The following CLIC6 variants were observed in gnomAD, a reference collection of about 807,000 sequenced individuals.
The protein encoded by CLIC6 is chloride intracellular channel protein 6.
CLIC6 carries 39 observed loss-of-function variants against 49.2 expected under a neutral mutation model. That is an observed-to-expected ratio of 0.79 (90% CI 0.61 to 1.04). The LOEUF (loss-of-function observed/expected upper bound fraction) is 1.04. Among genes scored for constraint, CLIC6 ranks in the 50% least tolerant of loss-of-function variants. The probability of loss-of-function intolerance (pLI) is 0.00; values close to 1 mark genes in which losing one functional copy is unlikely to be tolerated. For synonymous variants in CLIC6, 446 were observed against 433.4 expected, an observed-to-expected ratio of 1.03 and a Z score of -0.36; for missense variants, 988 against 993.1, an observed-to-expected ratio of 0.99 and a Z score of 0.07.
intron 1 of CLIC6, among the ~76,000 whole-genome samples, chr21:34,683,822 C>A (rs187541621): frequency 3.9e-5 from 6 of 152,308 alleles, no homozygotes; most frequent in Admixed American, 2.6e-4. Context: ...GTCAATTAAA[C>A]CTCTTTTCTT....
At chr21:34,673,233 CT>C (rs143456354) in intron 1 of CLIC6, among the ~76,000 whole-genome samples, 4,478 of 150,084 alleles carry the variant, frequency 0.03, 228 homozygotes, top group African/African-American at 0.1. Context: ...CAGTTGCTAA[CT>C]TTTTTTTTTC....
chr21:34,698,359 GGAAGGAAGGAAGGACA>G (rs1195071216), intron 1 of CLIC6, among the ~76,000 whole-genome samples: 2 of 151,770 alleles, frequency 1.3e-5, no homozygotes, highest in Non-Finnish European at 2.9e-5. Context: ...GGGTGCTAAA[GGAAGGAAGGAAGGACA>G]GAAGGAAGGA....
At chr21:34,690,546 C>T (rs975543079) in intron 1 of CLIC6, among the ~76,000 whole-genome samples, 3 of 152,114 alleles carry the variant, frequency 2.0e-5, no homozygotes, top group Non-Finnish European at 2.9e-5. Flanking sequence ...AAAATGCCAG[C>T]CTCTCCTTTG....
chr21:34,671,916 A>G (rs1989574490), intron 1 of CLIC6, among the ~76,000 whole-genome samples: 1 of 152,168 alleles, frequency 6.6e-6, no homozygotes, highest in Non-Finnish European at 1.5e-5. Flanking sequence ...GCTTTTTTCA[A>G]GACCCTGGGA....
chr21:34,709,496 G>A lies in CLIC6; in HGVS notation c.1857G>A (p.Thr619=), dbSNP rs146983202. 38 of 1,613,880 alleles carry A rather than the reference G, an allele frequency of 2.4e-5. No individual in the cohort carries two copies. The highest frequency in any genetic ancestry group is 4.0e-5 in the African/African-American group (3 of 74,918). ...AGTTTCTGGATGGGGACGAGCTGAC[G>A]CTGGCTGACTGCAACCTCTTACCCA... The part of the protein sequence containing the change: ...GRKFLDGDEL[T]LADCNLLPKL... Residue 619 remains threonine, a synonymous_variant, in exon 5 of 6, where the codon ACG becomes ACA. Transcript: ENST00000349499.
chr21:34,671,235 A>C (rs891955921), intron 1 of CLIC6, among the ~76,000 whole-genome samples: 1 of 151,952 alleles, frequency 6.6e-6, no homozygotes, highest in Non-Finnish European at 1.5e-5. Context: ...AAACGCAGAC[A>C]GGTAGGTTCA....
At chr21:34,704,323 A>G (rs1568968494) in intron 1 of CLIC6, among the ~76,000 whole-genome samples, 1 of 152,176 alleles carries the variant, frequency 6.6e-6, no homozygotes, top group Admixed American at 6.5e-5. Context: ...AAAGTAATAA[A>G]ATTAGGCAGC....
intron 1 of CLIC6, among the ~76,000 whole-genome samples, chr21:34,680,183 T>C (rs1387085170): frequency 6.6e-6 from 1 of 152,244 alleles, no homozygotes; most frequent in African/African-American, 2.4e-5. Context: ...ACCTCAATTA[T>C]TGACTTCTGT....
intron 5 of CLIC6, 25 bp from the exon 6 acceptor site, chr21:34,716,296 C>T: frequency 6.2e-7 from 1 of 1,603,262 alleles, no homozygotes; most frequent in Non-Finnish European, 8.5e-7. Flanking sequence ...TTTCCCTTTA[C>T]TGATCATTTT....
intron 1 of CLIC6, among the ~76,000 whole-genome samples, chr21:34,705,613 T>G (rs1568968967): frequency 3.3e-5 from 5 of 152,132 alleles, no homozygotes; most frequent in Admixed American, 6.5e-5. Flanking sequence ...TGGGAGAGGA[T>G]GTGACGCACA....
chr21:34,685,728 G>A (rs537985930), intron 1 of CLIC6, among the ~76,000 whole-genome samples: 3 of 152,202 alleles, frequency 2.0e-5, no homozygotes, highest in South Asian at 4.2e-4. Context: ...ACATTTTTTT[G>A]TTAGCTGCCC....
chr21:34,700,232 G>A (rs1294046195), intron 1 of CLIC6, among the ~76,000 whole-genome samples: 1 of 151,514 alleles, frequency 6.6e-6, no homozygotes, highest in Non-Finnish European at 1.5e-5. Context: ...CGGATCACGA[G>A]GTCAGGAGAT....
Position 34,669,408 on chromosome 21 carries a change from C to T in CLIC6, c.20C>T (p.Pro7Leu). The T allele has an allele frequency of 1.6e-6, 2 of 1,236,430 alleles. No individual in the cohort carries two copies. Among genetic ancestry groups the T allele is most frequent in the Non-Finnish European group, 2.0e-6 (2 of 990,536 alleles). The allele number at this position is 1,236,430 out of a possible 1,614,324, so 76.6% of individuals were successfully genotyped here. A position where few individuals can be genotyped will look rare whatever the true frequency, so the allele number is the denominator to read the frequency against. The change falls in exon 1 of 6, where the codon CCG becomes CTG. Residue 7 changes from proline (P) to leucine (L), a missense_variant. Physicochemically the swap from Pro to Leu is moderately conservative, Grantham distance 98. Transcript: ENST00000349499. The part of the protein sequence containing the change: MAEAAE[P>L]EGVAPGPQGP... The stretch of plus-strand genomic sequence containing the variant: ...GCGGCCATGGCCGAGGCCGCGGAGC[C>T]GGAGGGGGTTGCCCCGGGTCCCCAG...
intron 1 of CLIC6, among the ~76,000 whole-genome samples, chr21:34,694,933 A>G (rs932540790): frequency 3.3e-5 from 5 of 152,260 alleles, no homozygotes; most frequent in African/African-American, 1.2e-4. Context: ...GTTGATGAGT[A>G]GTTGACCTGC....
chr21:34,676,617 G>C (rs1044358971), intron 1 of CLIC6, among the ~76,000 whole-genome samples: 1 of 152,194 alleles, frequency 6.6e-6, no homozygotes, highest in African/African-American at 2.4e-5. Flanking sequence ...GAAGGGAAGG[G>C]GGATGGACGA....
intron 1 of CLIC6, among the ~76,000 whole-genome samples, chr21:34,701,152 A>G (rs959797406): frequency 2.1e-5 from 3 of 145,700 alleles, no homozygotes; most frequent in Non-Finnish European, 3.0e-5. Context: ...AATACAAAAA[A>G]TTAGCCGGGC....
At chr21:34,715,770 A>G (rs1222386517) in intron 5 of CLIC6, among the ~76,000 whole-genome samples, 1 of 152,220 alleles carries the variant, frequency 6.6e-6, no homozygotes, top group Admixed American at 6.5e-5. Flanking sequence ...AGGGATTTGC[A>G]TCTGCTTTGT....
chr21:34,707,641 T>C (rs936469129), intron 2 of CLIC6, among the ~76,000 whole-genome samples: 1 of 152,144 alleles, frequency 6.6e-6, no homozygotes, highest in East Asian at 1.9e-4. Context: ...CAGCTGTGAC[T>C]CTCCCAAGCC....
chr21:34,689,312 A>G (rs1568962352), intron 1 of CLIC6, among the ~76,000 whole-genome samples: 3 of 152,116 alleles, frequency 2.0e-5, no homozygotes, highest in Non-Finnish European at 4.4e-5. Flanking sequence ...GCTCAGCACA[A>G]CCCCACAGGT....
Sources: gnomAD v4.1 joint callset for allele counts (sites outside exome capture counted in the v4.1 genomes callset) on GRCh38, gnomAD v4.1.1 for gene constraint, MANE v1.5 for transcripts, NCBI Gene and HGNC (gene_info 2026-07-23, HGNC 2026-07-21) for gene names.